The following DTD2 variants were observed in gnomAD, a reference collection of about 807,000 sequenced individuals.
DTD2 encodes D-aminoacyl-tRNA deacylase 2.
DTD2 carries 12 observed loss-of-function variants against 15.5 expected under a neutral mutation model. The observed-to-expected ratio is 0.77, with a 90% CI of 0.50 to 1.25. The LOEUF (loss-of-function observed/expected upper bound fraction) is 1.25. Ranked by LOEUF, DTD2 falls within the 50% of genes most tolerant of loss-of-function variation. DTD2 has a pLI of 0.00. For missense variants in DTD2, 170 were observed against 201.1 expected (o/e 0.85, Z 0.93); for synonymous variants, 59 against 77.3 (o/e 0.76, Z 1.24).
rs2032112460 is a variant in DTD2, at chr14:31,457,461, T to A, written c.-68A>T. ...GTCGCTGGCCCCTCCCTCGACGCGC[T>A]GGCGGGGCAGACGAGGCGGGGCACG... On this transcript the variant is annotated 5_prime_UTR_variant, in exon 1 of 3. Coordinates refer to ENST00000310850, the MANE Select transcript of DTD2 (RefSeq NM_080664.3). 1 of 1,159,308 alleles carries A rather than the reference T, an allele frequency of 8.6e-7. No homozygotes were observed. The highest frequency in any genetic ancestry group is 1.6e-5 in the African/African-American group (1 of 61,666). The allele number at this position is 1,159,308 out of a possible 1,614,324, so 71.8% of individuals were successfully genotyped here. A position where few individuals can be genotyped will look rare whatever the true frequency, so the allele number is the denominator to read the frequency against.
chr14:31,451,907 C>G (rs1216121003), intron 2 of DTD2, among the ~76,000 whole-genome samples: 1 of 152,068 alleles, frequency 6.6e-6, no homozygotes, highest in African/African-American at 2.4e-5. Context: ...CAAATACTGT[C>G]CTGAGAGGGT....
chr14:31,446,554 C>T lies in DTD2; in HGVS notation c.*1575G>A, dbSNP rs1469493234. On this transcript the variant is annotated 3_prime_UTR_variant, in exon 3 of 3. Transcript: ENST00000310850. ...TTTAAACACCAGAAATTTATTTCCT[C>T]ACAGTTCTGGTGATTAGAAGTTCAA... 3 of 152,176 alleles carry T rather than the reference C, an allele frequency of 2.0e-5. No homozygotes were observed. The allele number at this position is 152,176 out of a possible 1,614,324, so 9.4% of individuals were successfully genotyped here.
chr14:31,448,923 T>TCACTCTGTCTCTGGG (rs1166264238), intron 2 of DTD2, among the ~76,000 whole-genome samples: 1 of 152,210 alleles, frequency 6.6e-6, no homozygotes, highest in Admixed American at 6.5e-5. Flanking sequence ...AGACAGAGTC[T>TCACTCTGTCTCTGGG]CACTCTGTCG....
intron 1 of DTD2, among the ~76,000 whole-genome samples, chr14:31,455,504 T>C (rs1332849461): frequency 2.8e-5 from 4 of 142,798 alleles, no homozygotes; most frequent in Non-Finnish European, 6.0e-5. Flanking sequence ...TGAGCCGAGA[T>C]TGCGCCATTG....
chr14:31,449,906 A>C (rs1429997233), intron 2 of DTD2, among the ~76,000 whole-genome samples: 1 of 152,222 alleles, frequency 6.6e-6, no homozygotes, highest in Non-Finnish European at 1.5e-5. Flanking sequence ...AAACCTGCCA[A>C]GGCGAACACC....
At position 31,457,500 on chromosome 14, in the gene DTD2, G is replaced by T. The variant is rs2139365646; in HGVS notation, c.-107C>A. ...AGGCGGGGCACGACGAAGGGCCTGC[G>T]CCGATTGCCCAGTGGCCCCGCCCTT... On this transcript the variant is annotated 5_prime_UTR_variant, in exon 1 of 3. Coordinates refer to ENST00000310850, the MANE Select transcript of DTD2 (RefSeq NM_080664.3). 4 of 800,820 alleles carry T rather than the reference G, an allele frequency of 5.0e-6. No homozygotes were observed. The East Asian group carries it at 1.3e-4, about 26-fold the overall frequency. The allele number at this position is 800,820 out of a possible 1,614,324, so 49.6% of individuals were successfully genotyped here. A position where few individuals can be genotyped will look rare whatever the true frequency, so the allele number is the denominator to read the frequency against.
At chr14:31,449,095 A>G (rs545083399) in intron 2 of DTD2, among the ~76,000 whole-genome samples, 2 of 152,236 alleles carry the variant, frequency 1.3e-5, no homozygotes, top group South Asian at 2.1e-4. Context: ...GGGTTTCACC[A>G]TGCTAGCCAG....
At chr14:31,448,592 T>A (rs1244584555) in intron 2 of DTD2, 138 bp from the exon 3 acceptor site, 7 of 688,062 alleles carry the variant, frequency 1.0e-5, no homozygotes, top group Non-Finnish European at 1.7e-5. Context: ...TCTATTTAGA[T>A]TTAAAATACT....
At chr14:31,449,282 AG>A (rs2032002102) in intron 2 of DTD2, among the ~76,000 whole-genome samples, 1 of 152,172 alleles carries the variant, frequency 6.6e-6, no homozygotes, top group African/African-American at 2.4e-5. Context: ...GCAGAGACAA[AG>A]GTTCCTGTTT....
rs1367097698 is a variant in DTD2, at chr14:31,448,081, T to C, written c.*48A>G. ...AGGGGAAGAAAATCTAATTATACTT[T>C]AGATCATTTCATACCAGAAAACAGC... On this transcript the variant is annotated 3_prime_UTR_variant, in exon 3 of 3. Coordinates refer to ENST00000310850, the MANE Select transcript of DTD2 (RefSeq NM_080664.3). 2 of 1,428,138 alleles carry C rather than the reference T, an allele frequency of 1.4e-6. No individual in the cohort carries two copies. The highest frequency in any genetic ancestry group is 1.4e-5 in the African/African-American group (1 of 69,868). The allele number at this position is 1,428,138 out of a possible 1,614,324, so 88.5% of individuals were successfully genotyped here. A position where few individuals can be genotyped will look rare whatever the true frequency, so the allele number is the denominator to read the frequency against.
intron 1 of DTD2, among the ~76,000 whole-genome samples, chr14:31,453,773 CTT>C (rs2032065812): frequency 6.6e-6 from 1 of 152,182 alleles, no homozygotes; most frequent in African/African-American, 2.4e-5. Context: ...CATCATCTCT[CTT>C]TATTTCCCCT....
chr14:31,457,217 C>A (rs1187685060), intron 1 of DTD2, 66 bp downstream of exon 1: 1 of 1,419,168 alleles, frequency 7.0e-7, no homozygotes, highest in Non-Finnish European at 9.6e-7. Context: ...GACGAGTCAC[C>A]GAGACAACGC....
intron 1 of DTD2, among the ~76,000 whole-genome samples, chr14:31,454,938 G>A (rs573284619): frequency 1.3e-5 from 2 of 152,198 alleles, no homozygotes; most frequent in South Asian, 4.1e-4. Flanking sequence ...TTAAAATGCT[G>A]TTTCTAAAAA....
At chr14:31,457,183 G>A (rs1479319611) in intron 1 of DTD2, 100 bp downstream of exon 1, 2 of 1,121,234 alleles carry the variant, frequency 1.8e-6, no homozygotes, top group African/African-American at 3.2e-5. Context: ...CCGGACCGCC[G>A]GTCTCAGAGG....
chr14:31,457,240 C>T, intron 1 of DTD2, 43 bp downstream of exon 1: 1 of 1,525,282 alleles, frequency 6.6e-7, no homozygotes, highest in Admixed American at 2.0e-5. Flanking sequence ...AAAAAACCGC[C>T]CCGCACGCCG....
At position 31,448,096 on chromosome 14, in the gene DTD2, C is replaced by G. The variant is rs961178538; in HGVS notation, c.*33G>C. On this transcript the variant is annotated 3_prime_UTR_variant, in exon 3 of 3. Coordinates refer to ENST00000310850, the MANE Select transcript of DTD2 (RefSeq NM_080664.3). Reference sequence around the variant, plus strand: ...AATTATACTTTAGATCATTTCATACCAGAAAACAGCTATAGAAACTAGTTT... The same window carrying G: ...AATTATACTTTAGATCATTTCATACGAGAAAACAGCTATAGAAACTAGTTT... The G allele has an allele frequency of 4.0e-6, 6 of 1,504,376 alleles. No individual in the cohort carries two copies. The highest frequency in any genetic ancestry group is 3.6e-6 in the Non-Finnish European group (4 of 1,108,036). 93.2% of individuals were successfully genotyped at this position (1,504,376 alleles called of 1,614,324 possible). A position where few individuals can be genotyped will look rare whatever the true frequency, so the allele number is the denominator to read the frequency against.
At chr14:31,453,224 C>A in intron 2 of DTD2, 51 bp downstream of exon 2, 2 of 1,557,256 alleles carry the variant, frequency 1.3e-6, no homozygotes, top group Non-Finnish European at 1.8e-6. Flanking sequence ...CAGGTGTGAG[C>A]ACCATGCTTG....
At chr14:31,453,464 T>G (rs1781997629) in intron 1 of DTD2, 120 bp from the exon 2 acceptor site, 1 of 779,522 alleles carries the variant, frequency 1.3e-6, no homozygotes, top group Non-Finnish European at 2.0e-6. Context: ...GCACAGAAAA[T>G]GAACTTTACA....
intron 1 of DTD2, among the ~76,000 whole-genome samples, chr14:31,455,662 A>T (rs2032087392): frequency 6.7e-6 from 1 of 149,326 alleles, no homozygotes. Context: ...GCTCACTACA[A>T]CCTCTGCCTC....
Sources: allele counts gnomAD v4.1 joint callset (sites outside exome capture counted in the v4.1 genomes callset), GRCh38; gene constraint gnomAD v4.1.1; transcripts MANE v1.5; gene names NCBI Gene and HGNC (gene_info 2026-07-23, HGNC 2026-07-21).